Variants in KHNYN observed in about 807,000 individuals in gnomAD.
KHNYN encodes KH and NYN domain containing, also known as protein KHNYN.
KHNYN carries 42 observed loss-of-function variants against 62.7 expected under a neutral mutation model. That is an observed-to-expected ratio of 0.67 (90% CI 0.52 to 0.87). KHNYN has a LOEUF of 0.87. KHNYN is among the 40% of genes least tolerant of loss of function. The pLI, the probability that KHNYN is intolerant of heterozygous loss-of-function variation, is 0.00. For missense variants in KHNYN, 829 were observed against 874.1 expected (o/e 0.95, Z 0.65); for synonymous variants, 347 against 345.6 (o/e 1.00, Z -0.04).
At chr14:24,425,829 CT>C, upstream of KHNYN, among the ~76,000 whole-genome samples, 1 of 152,328 alleles carries the variant, frequency 6.6e-6, no homozygotes, top group Non-Finnish European at 1.5e-5. Flanking sequence ...CGCCATTGGA[CT>C]GTTTTTCTTC....
chr14:24,429,849 G>A, upstream of KHNYN: 3 of 1,017,046 alleles, frequency 2.9e-6, no homozygotes, highest in Non-Finnish European at 3.5e-6. Flanking sequence ...TAGGCCGAGC[G>A]GGCCCGTCGG....
Position 24,431,695 on chromosome 14 carries a change from A to G in KHNYN, c.434A>G (p.Asp145Gly). ...VEELAERLSW[D>G]FTPGPSSGAS... is the part of the protein sequence containing the mutation. ...GAGCTGGCAGAGCGGCTGAGCTGGG[A>G]CTTCACGCCAGGACCATCTTCCGGA... Residue 145 changes from aspartate to glycine, a missense_variant, in exon 3 of 8, where the codon GAC becomes GGC. Physicochemically the swap from Asp to Gly is moderately conservative, Grantham distance 94. This residue lies in a region of KHNYN where 559 missense variants were observed against 527.0 expected (regional missense o/e 1.06). Transcript: ENST00000553935. The G allele has an allele frequency of 6.2e-7, 1 of 1,614,128 alleles. No homozygotes were observed. The highest frequency in any genetic ancestry group is 2.2e-5 in the East Asian group (1 of 44,884).
chr14:24,429,987 GC>G lies in KHNYN; in HGVS notation c.-149del. On this transcript the variant is annotated 5_prime_UTR_variant, in exon 1 of 8. It removes the in-frame stop codon of an upstream open reading frame in the 5' UTR. Coordinates refer to ENST00000553935, the MANE Select transcript of KHNYN (RefSeq NM_015299.3). ...TGCGATGTGGACAAGAGAGGTCCCC[GC>G]TGGGTGAGGAACCCGGGAAGGCCCG... 2 of 987,200 alleles carry G rather than the reference GC, an allele frequency of 2.0e-6. No homozygotes were observed. Among genetic ancestry groups the G allele is most frequent in the Non-Finnish European group, 2.4e-6 (2 of 830,730 alleles). The allele number at this position is 987,200 out of a possible 1,614,324, so 61.2% of individuals were successfully genotyped here.
At position 24,441,585 on chromosome 14, in the gene KHNYN, C is replaced by G; in HGVS notation, c.*4300C>G. ...AGGAAGTCATTTTGCCTGGAAAAGA[C>G]CAGTGCTCTGGTGTGTGCATAGCTA... On this transcript the variant is annotated 3_prime_UTR_variant, in exon 8 of 8. Transcript: ENST00000553935. 1 of 1,135,002 alleles carries G rather than the reference C, an allele frequency of 8.8e-7. No homozygotes were observed. The highest frequency in any genetic ancestry group is 3.0e-4 in the Middle Eastern group (1 of 3,326). The allele number at this position is 1,135,002 out of a possible 1,614,324, so 70.3% of individuals were successfully genotyped here. A position where few individuals can be genotyped will look rare whatever the true frequency, so the allele number is the denominator to read the frequency against.
chr14:24,427,552 A>C, upstream of KHNYN: 1 of 520,702 alleles, frequency 1.9e-6, no homozygotes. The surrounding 1 kb of genome is among the most constrained non-coding windows in gnomAD (Gnocchi z 4.4). Flanking sequence ...GCAGGCAGGA[A>C]CAGATGCAGC....
Position 24,436,085 on chromosome 14 carries a change from C to G in KHNYN, c.1591C>G (p.Leu531Val). 6.2e-7 allele frequency: 1 copy of G among 1,614,084 alleles called. No homozygotes were observed. Among genetic ancestry groups the G allele is most frequent in the Non-Finnish European group, 8.5e-7 (1 of 1,179,978 alleles). ...SSYDDRFMVK[L>V]AEETDGIIVS... is the part of the protein sequence containing the mutation. The stretch of plus-strand genomic sequence containing the variant: ...TTTTGGAGACAGGTTCATGGTGAAG[C>G]TGGCTGAAGAGACAGATGGGATAAT... Residue 531 changes from leucine (L) to valine (V), a missense_variant, in exon 6 of 8, where the codon CTG (leucine) becomes GTG (valine). Leu to Val is a conservative substitution (Grantham distance 32, BLOSUM62 1). Coordinates refer to ENST00000553935, the MANE Select transcript of KHNYN (RefSeq NM_015299.3).
chr14:24,441,808 C>T lies in KHNYN; in HGVS notation c.*4523C>T, dbSNP rs777531942. 13 of 1,603,558 alleles carry T rather than the reference C, an allele frequency of 8.1e-6. No homozygotes were observed. Among genetic ancestry groups the T allele is most frequent in the Non-Finnish European group, 1.0e-5 (12 of 1,175,854 alleles). ...GGTTTCATTCCATCTGCAGGAGAAA[C>T]ATGGGAAATAAAAAGCCACTAAATA... On this transcript the variant is annotated 3_prime_UTR_variant, in exon 8 of 8. Coordinates refer to ENST00000553935, the MANE Select transcript of KHNYN (RefSeq NM_015299.3).
upstream of KHNYN, chr14:24,428,237 C>T: frequency 6.2e-7 from 1 of 1,604,272 alleles, no homozygotes; most frequent in South Asian, 1.1e-5. Context: ...CCCCTTCTTC[C>T]CCCTCCCCAC....
At position 24,430,482 on chromosome 14, in the gene KHNYN, G is replaced by A. The variant is rs2043086460; in HGVS notation, c.-17-232G>A. On this transcript the variant is annotated intron_variant, in intron 1 of 7. Transcript: ENST00000553935. ...CGGACTGTGGTCATCCTTTTCCAAA[G>A]CCCAGACGCCCACTCTCGATAGACA... The A allele has an allele frequency of 3.7e-6, 5 of 1,360,530 alleles. No individual in the cohort carries two copies. The South Asian group carries it at 5.0e-5, about 14-fold the overall frequency. The allele number at this position is 1,360,530 out of a possible 1,614,324, so 84.3% of individuals were successfully genotyped here.
At chr14:24,428,137 A>G (rs2043041314), upstream of KHNYN, 1 of 1,325,664 alleles carries the variant, frequency 7.5e-7, no homozygotes, top group Admixed American at 2.0e-5. Flanking sequence ...CACATCCTCC[A>G]CACTCAATGC....
chr14:24,431,242 G>A lies in KHNYN; in HGVS notation c.202-221G>A, dbSNP rs571089756. On this transcript the variant is annotated intron_variant, in intron 2 of 7. Transcript: ENST00000553935. ...CAAGGAATGCACTGTGGGGTGGGAG[G>A]CTGGGCCACATTGCTTCCTTTGGGA... is the stretch of plus-strand genomic sequence containing the variant. Among the ~76,000 whole-genome samples the A allele has an allele frequency of 4.6e-5, 7 of 152,326 alleles. No homozygotes were observed. In the East Asian group the frequency reaches 1.3e-3, roughly 29 times the overall value.
chr14:24,432,558 G>A lies in KHNYN; in HGVS notation c.1297G>A (p.Gly433Ser), dbSNP rs1383557717. 6.2e-7 allele frequency: 1 copy of A among 1,610,006 alleles called. No homozygotes were observed. ...PFTLCLANVP[G>S]QPDLRHIVID... ...CACCCTGTGCCTTGCCAATGTGCCT[G>A]GCCAGCCAGACCTCCGCCATATTGT... The change falls in exon 3 of 8, where the codon GGC (glycine) becomes AGC (serine). Residue 433 changes from glycine to serine, a missense_variant. Physicochemically the swap from Gly to Ser is moderately conservative, Grantham distance 56. Coordinates refer to ENST00000553935, the MANE Select transcript of KHNYN (RefSeq NM_015299.3). The surrounding 1 kb of genome is among the most constrained non-coding windows in gnomAD (Gnocchi z 5.6).
chr14:24,441,096 T>G lies in KHNYN; in HGVS notation c.*3811T>G. ...ACTTCTCCATGACCTGAAGCGTTCCTTCCCTGGAGGAACTCTGGTTGCAGG... is the reference window on the plus strand; with the variant it reads ...ACTTCTCCATGACCTGAAGCGTTCCGTCCCTGGAGGAACTCTGGTTGCAGG... On this transcript the variant is annotated 3_prime_UTR_variant, in exon 8 of 8. Transcript: ENST00000553935. 2.9e-6 allele frequency: 2 copies of G among 692,556 alleles called. No homozygotes were observed. The highest frequency in any genetic ancestry group is 4.9e-6 in the Non-Finnish European group (2 of 405,176). 42.9% of individuals were successfully genotyped at this position (692,556 alleles called of 1,614,324 possible).
rs1428394789 is a variant in KHNYN, at chr14:24,431,461, A to C, written c.202-2A>C. On this transcript the variant is annotated splice_acceptor_variant, in intron 2 of 7. Coordinates refer to ENST00000553935, the MANE Select transcript of KHNYN (RefSeq NM_015299.3). LOFTEE classifies it high-confidence loss of function. ...TCCTGACCTTCCCTTCCTCCCAACC[A>C]GGAGTACCTGAAGGGCCTCTGCAGC... The C allele has an allele frequency of 3.2e-6, 5 of 1,554,706 alleles. No homozygotes were observed. The highest frequency in any genetic ancestry group is 4.4e-6 in the Non-Finnish European group (5 of 1,145,654).
At chr14:24,425,570 T>C (rs563451876), upstream of KHNYN, among the ~76,000 whole-genome samples, 1 of 152,342 alleles carries the variant, frequency 6.6e-6, no homozygotes, top group African/African-American at 2.4e-5. Context: ...AAGGCTGCCA[T>C]CCATCCCTGG....
chr14:24,441,725 T>G lies in KHNYN; in HGVS notation c.*4440T>G. The G allele has an allele frequency of 6.3e-7, 1 of 1,599,854 alleles. No homozygotes were observed. Among genetic ancestry groups the G allele is most frequent in the Non-Finnish European group, 8.5e-7 (1 of 1,176,096 alleles). On this transcript the variant is annotated 3_prime_UTR_variant, in exon 8 of 8. Coordinates refer to ENST00000553935, the MANE Select transcript of KHNYN (RefSeq NM_015299.3). Reference sequence around the variant, plus strand: ...TTGGGGGGTTGTGGGGCTTTGGTGATGGCTTTAGCCAGCAATTGGGTGGTC... The same window carrying G: ...TTGGGGGGTTGTGGGGCTTTGGTGAGGGCTTTAGCCAGCAATTGGGTGGTC...
chr14:24,437,352 AGAGTC>A lies in KHNYN; in HGVS notation c.*68_*72del. 1.9e-6 allele frequency: 3 copies of A among 1,551,282 alleles called. No homozygotes were observed. The South Asian group carries it at 3.7e-5, about 19-fold the overall frequency. On this transcript the variant is annotated 3_prime_UTR_variant, in exon 8 of 8. Transcript: ENST00000553935. The surrounding 1 kb of genome is among the most constrained non-coding windows in gnomAD (Gnocchi z 5.5). Reference sequence around the variant, plus strand: ...CGCCTCCAGCTCAGCCCTTTCTGTGAGAGTCCCTCTGCTGCTCACTCTGATCCAGA... The same window carrying A: ...CGCCTCCAGCTCAGCCCTTTCTGTGACCTCTGCTGCTCACTCTGATCCAGA...
Position 24,432,153 on chromosome 14 carries a change from G to A in KHNYN, c.892G>A (p.Glu298Lys), listed in dbSNP as rs770448504. 3 of 1,557,202 alleles carry A rather than the reference G, an allele frequency of 1.9e-6. No individual in the cohort carries two copies. Among genetic ancestry groups the A allele is most frequent in the Non-Finnish European group, 2.6e-6 (3 of 1,150,320 alleles). ...ACAGTCAGTGGGTGGAGGGGCAAGG[G>A]AGTCAGCACCCCTGAAAGGGAAGGC... ...RPQSVGGGARESAPLKGKALG... is the reference protein window; with the variant it reads ...RPQSVGGGARKSAPLKGKALG... Residue 298 changes from glutamate (E) to lysine (K), a missense_variant, in exon 3 of 8, where the codon GAG (glutamate) becomes AAG (lysine). This residue lies in a region of KHNYN where 559 missense variants were observed against 527.0 expected (regional missense o/e 1.06). Transcript: ENST00000553935. This position sits in a 1 kb window ranked among gnomAD's most constrained non-coding sequence, Gnocchi z 5.6.
rs2043148271 is a variant in KHNYN at position 24,433,009 on chromosome 14, G to T, written c.1554G>T (p.Lys518Asn). 6.2e-7 allele frequency: 1 copy of T among 1,614,158 alleles called. No homozygotes were observed. The highest frequency in any genetic ancestry group is 8.5e-7 in the Non-Finnish European group (1 of 1,179,988). Residue 518 changes from lysine to asparagine, a missense_variant, in exon 5 of 8, where the codon AAG (lysine) becomes AAT (asparagine). Physicochemically the swap from Lys to Asn is moderately conservative, Grantham distance 94 (BLOSUM62 0). Coordinates refer to ENST00000553935, the MANE Select transcript of KHNYN (RefSeq NM_015299.3). The stretch of plus-strand genomic sequence containing the variant: ...CACCCTCACGAGTCATGGATGGCAA[G>T]AGGATCTCCTCCTATGATGACAGGT... ...SLTPSRVMDG[K>N]RISSYDDRFM...
Sources: gnomAD v4.1 joint callset for allele counts (sites outside exome capture counted in the v4.1 genomes callset) on GRCh38, gnomAD v4.1.1 for gene constraint, gnomAD v4.1.1 regional missense constraint, Gnocchi (gnomAD v3.1) non-coding constraint, MANE v1.5 for transcripts, NCBI Gene and HGNC (gene_info 2026-07-23, HGNC 2026-07-21) for gene names.